The following PDE8B variants were observed in gnomAD, a reference collection of about 807,000 sequenced individuals.
PDE8B encodes phosphodiesterase 8B, also known as high affinity cAMP-specific and IBMX-insensitive 3',5'-cyclic phosphodiesterase 8B.
Under a neutral mutation model 101.3 loss-of-function variants are expected in PDE8B, and 26 were observed. The observed-to-expected ratio is 0.26, with a 90% CI of 0.19 to 0.36. The LOEUF is 0.36. PDE8B is among the 10% of genes least tolerant of loss of function. The pLI, the probability that PDE8B is intolerant of heterozygous loss-of-function variation, is 1.00. For synonymous variants in PDE8B, 424 were observed against 429.3 expected (o/e 0.99, Z 0.15); for missense variants, 810 against 1,163.1 (o/e 0.70, Z 4.42).
rs139862450 is a variant in PDE8B at position 77,339,772 on chromosome 5, G to A, written c.797+2457G>A. On this transcript the variant is annotated intron_variant, in intron 6 of 21. Transcript: ENST00000264917. ...GCAAGGACAGTCTGTACTGCAGGAT[G>A]ATGGTGAATGTTAAAGGTAGACACC... Among the ~76,000 whole-genome samples, 72 of 152,278 alleles carry A rather than the reference G, an allele frequency of 4.7e-4. 1 individual carries two copies. The East Asian group carries it at 7.9e-3, about 17-fold the overall frequency.
intron 17 of PDE8B, 118 bp from the exon 18 acceptor site, chr5:77,418,111 G>A: frequency 1.4e-6 from 1 of 736,328 alleles, no homozygotes; most frequent in South Asian, 1.5e-5. Flanking sequence ...AGGCTCAGCT[G>A]GCTAAAAACG....
chr5:77,196,121 A>G, the PDE8B span, among the ~76,000 whole-genome samples: 1 of 152,078 alleles, frequency 6.6e-6, no homozygotes, highest in Non-Finnish European at 1.5e-5. Flanking sequence ...TGGATTGTTC[A>G]GTTTTTTGTA....
chr5:77,325,487 A>G, intron 2 of PDE8B, 52 bp from the exon 3 acceptor site: 1 of 1,540,716 alleles, frequency 6.5e-7, no homozygotes. Flanking sequence ...TGTTTTTAAT[A>G]GTCTCTATGG....
In PDE8B at chr5:77,425,274, C is replaced by T. The variant is rs1017558502; in HGVS notation, c.2419-493C>T. Reference sequence around the variant, plus strand: ...TGCTATGGTATCACATAGAAAGAGGCTTGGGGCCAGGCACAGTGGCTCGTG... The same window carrying T: ...TGCTATGGTATCACATAGAAAGAGGTTTGGGGCCAGGCACAGTGGCTCGTG... On this transcript the variant is annotated intron_variant, in intron 20 of 21. Coordinates refer to ENST00000264917, the MANE Select transcript of PDE8B (RefSeq NM_003719.5). 6.6e-5 allele frequency among the ~76,000 whole-genome samples: 10 copies of T among 152,188 alleles called. No individual in the cohort carries two copies. In the South Asian group the frequency reaches 8.3e-4, roughly 13 times the overall value.
At chr5:77,332,207 A>G (rs1163852016) in intron 5 of PDE8B, among the ~76,000 whole-genome samples, 1 of 152,228 alleles carries the variant, frequency 6.6e-6, no homozygotes, top group African/African-American at 2.4e-5. Flanking sequence ...CTAATATTAA[A>G]AAGAAAACAA....
the PDE8B span, among the ~76,000 whole-genome samples, chr5:77,161,499 A>G: frequency 6.6e-6 from 1 of 152,124 alleles, no homozygotes; most frequent in African/African-American, 2.4e-5. Context: ...TTATCCATTC[A>G]CCTATTGATG....
chr5:77,225,013 CAGGAGGCACATGATGTCTGG>C (rs1326071938), intron 1 of PDE8B, among the ~76,000 whole-genome samples: 1 of 152,154 alleles, frequency 6.6e-6, no homozygotes, highest in East Asian at 1.9e-4. Context: ...GGACCTCCAT[CAGGAGGCACATGATGTCTGG>C]TTGTGTCTCT....
chr5:77,426,352 T>C lies in PDE8B; in HGVS notation c.2549-93T>C, dbSNP rs561279158. The C allele has an allele frequency of 7.4e-6, 6 of 807,200 alleles. No individual in the cohort carries two copies. The South Asian group carries it at 8.6e-5, about 12-fold the overall frequency. 50.0% of individuals were successfully genotyped at this position (807,200 alleles called of 1,614,324 possible). ...GCCCAGGGTGTGCCTCCTCTAATTC[T>C]GATCCCAAACTTGTCCCAGACACCC... is the stretch of plus-strand genomic sequence containing the variant. On this transcript the variant is annotated intron_variant, in intron 21 of 21. Transcript: ENST00000264917.
At chr5:77,159,437 C>G in the PDE8B span, among the ~76,000 whole-genome samples, 1 of 152,170 alleles carries the variant, frequency 6.6e-6, no homozygotes, top group Non-Finnish European at 1.5e-5. Context: ...ACATCTTTCT[C>G]CTGTGCTGGA....
chr5:77,097,728 T>TATACATAC, the PDE8B span, among the ~76,000 whole-genome samples: 2 of 63,198 alleles, frequency 3.2e-5, no homozygotes, highest in Non-Finnish European at 8.0e-5. Flanking sequence ...TATATATATA[T>TATACATAC]ATATACATAC....
the PDE8B span, chr5:77,141,937 AT>A: frequency 3.3e-5 from 5 of 152,220 alleles, no homozygotes; most frequent in Non-Finnish European, 7.3e-5. Context: ...TTGTTCCCAT[AT>A]ATAACATAAT....
chr5:77,110,218 T>C, the PDE8B span, among the ~76,000 whole-genome samples: 1 of 152,054 alleles, frequency 6.6e-6, no homozygotes, highest in African/African-American at 2.4e-5. Context: ...GGATTACAGG[T>C]GTGAGCCACC....
the PDE8B span, among the ~76,000 whole-genome samples, chr5:77,099,308 T>C: frequency 6.6e-6 from 1 of 152,168 alleles, no homozygotes. Context: ...AGGGATGTGT[T>C]TGGAAAAAGT....
chr5:77,100,073 T>C, the PDE8B span, among the ~76,000 whole-genome samples: 1 of 152,238 alleles, frequency 6.6e-6, no homozygotes, highest in Non-Finnish European at 1.5e-5. Flanking sequence ...GAATTTCAAC[T>C]CCTTTTCAGG....
the PDE8B span, among the ~76,000 whole-genome samples, chr5:77,107,439 T>C: frequency 6.6e-6 from 1 of 152,232 alleles, no homozygotes; most frequent in Non-Finnish European, 1.5e-5. Flanking sequence ...CCTTAGGATT[T>C]TCTAACATAA....
intron 10 of PDE8B, among the ~76,000 whole-genome samples, chr5:77,388,842 C>T (rs533751268): frequency 8.5e-5 from 13 of 152,210 alleles, no homozygotes; most frequent in African/African-American, 2.9e-4. Context: ...CCACCCAGTT[C>T]GAACTTCCTG....
the PDE8B span, chr5:77,141,626 A>G: frequency 6.6e-6 from 1 of 152,206 alleles, no homozygotes; most frequent in Non-Finnish European, 1.5e-5. Context: ...TGTGCAGTCC[A>G]TGGATCCTTG....
Position 77,311,959 on chromosome 5 carries a change from G to T in PDE8B, c.340-35G>T, listed in dbSNP as rs774802676. 35 of 1,570,620 alleles carry T rather than the reference G, an allele frequency of 2.2e-5. No homozygotes were observed. The South Asian group carries it at 3.8e-4, about 17-fold the overall frequency. On this transcript the variant is annotated intron_variant, in intron 1 of 21. Transcript: ENST00000264917. ...GGATGTATCCATTTGTGTAGTTTAA[G>T]ACTTGACGCTTCTCTTGTGCTGTCC... is the stretch of plus-strand genomic sequence containing the variant.
the PDE8B span, among the ~76,000 whole-genome samples, chr5:77,094,128 A>G: frequency 1.3e-4 from 20 of 152,308 alleles, no homozygotes; most frequent in African/African-American, 4.6e-4. Flanking sequence ...AAGGTTGTGG[A>G]AAAATGGAAT....
Sources: gnomAD v4.1 joint callset for allele counts (sites outside exome capture counted in the v4.1 genomes callset) on GRCh38, gnomAD v4.1.1 for gene constraint, MANE v1.5 for transcripts, NCBI Gene and HGNC (gene_info 2026-07-23, HGNC 2026-07-21) for gene names.